The following TAFA2 variants were observed in gnomAD, a reference collection of about 807,000 sequenced individuals.
TAFA2 encodes the protein TAFA chemokine like family member 2.
A neutral mutation model predicts 18.8 loss-of-function variants in TAFA2; 7 were observed. The observed-to-expected ratio is 0.37, with a 90% confidence interval of 0.21 to 0.70. TAFA2 has a LOEUF of 0.70. Ranked by LOEUF, TAFA2 falls within the 30% of genes least tolerant of loss-of-function variation. The pLI is 0.53. For synonymous variants in TAFA2, 60 were observed against 54.2 expected (o/e 1.11, Z -0.47); for missense variants, 122 against 158.1 (o/e 0.77, Z 1.23).
intron 1 of TAFA2, among the ~76,000 whole-genome samples, chr12:61,874,707 T>C (rs1236982664): frequency 6.6e-6 from 1 of 152,150 alleles, no homozygotes; most frequent in African/African-American, 2.4e-5. Context: ...AATATTCCAA[T>C]GTGCCAAGCT....
chr12:61,726,456 G>T (rs1468509559), intron 4 of TAFA2, among the ~76,000 whole-genome samples: 1 of 151,990 alleles, frequency 6.6e-6, no homozygotes, highest in Non-Finnish European at 1.5e-5. Context: ...TCACCTCCTT[G>T]GTTAGGTGTA....
chr12:62,112,362 A>C (rs1408189900), intron 1 of TAFA2, among the ~76,000 whole-genome samples: 1 of 152,164 alleles, frequency 6.6e-6, no homozygotes, highest in Non-Finnish European at 1.5e-5. Context: ...ATCTGCTGTT[A>C]GTCTGATGGA....
intron 1 of TAFA2, among the ~76,000 whole-genome samples, chr12:61,933,039 G>C (rs1001933431): frequency 6.6e-6 from 1 of 152,140 alleles, no homozygotes; most frequent in Admixed American, 6.5e-5. Context: ...AATTGACCCA[G>C]CTGAGGTTAT....
intron 4 of TAFA2, among the ~76,000 whole-genome samples, chr12:61,733,704 C>T (rs1385084147): frequency 4.0e-5 from 6 of 151,576 alleles, no homozygotes; most frequent in African/African-American, 1.5e-4. Context: ...AGTCAGGTAG[C>T]ATGATGCCTC....
intron 2 of TAFA2, among the ~76,000 whole-genome samples, chr12:61,850,213 C>T (rs1295499230): frequency 6.6e-6 from 1 of 151,828 alleles, no homozygotes; most frequent in African/African-American, 2.4e-5. Flanking sequence ...TAAAGAAGCT[C>T]CTCAGAGGGC....
chr12:61,897,904 C>G (rs1565673357), intron 1 of TAFA2, among the ~76,000 whole-genome samples: 1 of 152,182 alleles, frequency 6.6e-6, no homozygotes, highest in Non-Finnish European at 1.5e-5. Context: ...CAAGTCCCTT[C>G]CTCGTAGAAG....
chr12:61,910,917 G>C (rs1434743235), intron 1 of TAFA2, among the ~76,000 whole-genome samples: 1 of 152,106 alleles, frequency 6.6e-6, no homozygotes, highest in African/African-American at 2.4e-5. Context: ...TCTATTTTAG[G>C]AGGCATTCAT....
chr12:61,840,958 C>T (rs780234030), intron 2 of TAFA2, among the ~76,000 whole-genome samples: 35 of 152,056 alleles, frequency 2.3e-4, no homozygotes, highest in Non-Finnish European at 1.2e-4. Context: ...GTGTCAAGAT[C>T]CCAGTTGTAA....
intron 1 of TAFA2, among the ~76,000 whole-genome samples, chr12:62,008,899 A>G (rs1880642971): frequency 6.6e-6 from 1 of 152,238 alleles, no homozygotes; most frequent in Non-Finnish European, 1.5e-5. Flanking sequence ...GAAAAATCAA[A>G]TGACAGAAAT....
At chr12:62,044,016 C>T (rs10784279) in intron 1 of TAFA2, among the ~76,000 whole-genome samples, 32,702 of 151,948 alleles carry the variant, frequency 0.22, 4,051 homozygotes, top group East Asian at 0.42. Context: ...TAATTACTCT[C>T]GAGGCTTGCA....
chr12:62,191,459 G>T lies in TAFA2; in HGVS notation c.-202C>A, dbSNP rs569130840. On this transcript the variant is annotated 5_prime_UTR_variant, in exon 1 of 5. Coordinates refer to ENST00000416284, the MANE Select transcript of TAFA2 (RefSeq NM_178539.5). The stretch of plus-strand genomic sequence containing the variant: ...TGTGGCCCTGAGCGTGCGAGTGTGC[G>T]CGCGCGTGTGTGGATGTGTTTCCTC... 3.3e-5 allele frequency: 5 copies of T among 152,794 alleles called. No homozygotes were observed. Among genetic ancestry groups the T allele is most frequent in the African/African-American group, 1.2e-4 (5 of 41,590 alleles). The allele number at this position is 152,794 out of a possible 1,614,324, so 9.5% of individuals were successfully genotyped here. A position where few individuals can be genotyped will look rare whatever the true frequency, so the allele number is the denominator to read the frequency against.
rs540042044 is a variant in TAFA2 at position 61,873,589 on chromosome 12, A to G, written c.-1-6163T>C. ...AATGTAAAGCATTCTACAAGTATAA[A>G]CTATTATTGTTATTATTCCTTTAGT... On this transcript the variant is annotated intron_variant, in intron 1 of 4. Transcript: ENST00000416284. 3.2e-4 allele frequency among the ~76,000 whole-genome samples: 49 copies of G among 152,246 alleles called. 1 individual carries two copies. The highest frequency in any genetic ancestry group is 1.0e-3 in the African/African-American group (43 of 41,556).
At chr12:61,967,043 A>G (rs1879091361) in intron 1 of TAFA2, among the ~76,000 whole-genome samples, 1 of 151,860 alleles carries the variant, frequency 6.6e-6, no homozygotes, top group Non-Finnish European at 1.5e-5. Context: ...TTTATATTAC[A>G]AATTTTTAAT....
chr12:61,976,370 C>T (rs1014095568), intron 1 of TAFA2, among the ~76,000 whole-genome samples: 23 of 151,752 alleles, frequency 1.5e-4, no homozygotes, highest in African/African-American at 4.3e-4. Flanking sequence ...TGTTAAACAA[C>T]GTATTTTGAT....
chr12:61,874,743 C>T lies in TAFA2; in HGVS notation c.-1-7317G>A, dbSNP rs776503359. ...CTAACATCCAAAACAGAAGACAATG[C>T]TGTAAGGCAAAAATAAAGCAATCAT... On this transcript the variant is annotated intron_variant, in intron 1 of 4. Coordinates refer to ENST00000416284, the MANE Select transcript of TAFA2 (RefSeq NM_178539.5). Among the ~76,000 whole-genome samples, 46 of 152,112 alleles carry T rather than the reference C, an allele frequency of 3.0e-4. 1 individual carries two copies. Among genetic ancestry groups the T allele is most frequent in the Non-Finnish European group, 1.9e-4 (13 of 67,974 alleles).
intron 1 of TAFA2, among the ~76,000 whole-genome samples, chr12:61,900,318 A>C (rs1022796139): frequency 7.9e-5 from 12 of 152,182 alleles, no homozygotes; most frequent in African/African-American, 2.9e-4. Flanking sequence ...TTACATCCCC[A>C]CCAGCAACAA....
chr12:62,169,195 A>G (rs189199389), intron 1 of TAFA2, among the ~76,000 whole-genome samples: 14 of 152,358 alleles, frequency 9.2e-5, no homozygotes, highest in Admixed American at 2.6e-4. Flanking sequence ...ATGGATGGGT[A>G]GAGGAATGTG....
At chr12:62,066,991 T>A (rs1017767527) in intron 1 of TAFA2, among the ~76,000 whole-genome samples, 1 of 152,088 alleles carries the variant, frequency 6.6e-6, no homozygotes, top group African/African-American at 2.4e-5. Flanking sequence ...GCTTGTCTTT[T>A]GGATAAAAGC....
At chr12:61,974,261 T>C (rs1361964866) in intron 1 of TAFA2, among the ~76,000 whole-genome samples, 1 of 151,734 alleles carries the variant, frequency 6.6e-6, no homozygotes, top group Non-Finnish European at 1.5e-5. Context: ...AGAAAGAATA[T>C]TACTGATAGA....
Sources: gnomAD v4.1 joint callset for allele counts (sites outside exome capture counted in the v4.1 genomes callset) on GRCh38, gnomAD v4.1.1 for gene constraint, MANE v1.5 for transcripts, NCBI Gene and HGNC (gene_info 2026-07-23, HGNC 2026-07-21) for gene names.